The following ROBO2 variants were observed in gnomAD, a reference collection of about 807,000 sequenced individuals.
ROBO2 encodes the protein roundabout homolog 2.
Under a neutral mutation model 160.8 loss-of-function variants are expected in ROBO2, and 53 were observed. The observed-to-expected ratio is 0.33, with a 90% confidence interval of 0.26 to 0.41. The LOEUF is 0.41. Among genes scored for constraint, ROBO2 ranks in the 10% least tolerant of loss-of-function variants. ROBO2 has a pLI of 1.00. For synonymous variants in ROBO2, 664 were observed against 611.7 expected (o/e 1.09, Z -1.26); for missense variants, 1,577 against 1,722.4 (o/e 0.92, Z 1.49).
intron 2 of ROBO2, among the ~76,000 whole-genome samples, chr3:76,633,848 G>T (rs2090165961): frequency 6.6e-6 from 1 of 152,068 alleles, no homozygotes. Context: ...ATTTGCACTG[G>T]GTGCCCACAG....
At chr3:77,538,698 C>A (rs1158012716) in intron 6 of ROBO2, among the ~76,000 whole-genome samples, 2 of 151,930 alleles carry the variant, frequency 1.3e-5, no homozygotes, top group Non-Finnish European at 2.9e-5. Flanking sequence ...CTTTTGAAAT[C>A]AAATGAAGCA....
chr3:77,492,738 C>A (rs1282420314), intron 4 of ROBO2, among the ~76,000 whole-genome samples: 1 of 152,118 alleles, frequency 6.6e-6, no homozygotes, highest in Non-Finnish European at 1.5e-5. Context: ...CTTATCAAAT[C>A]ATAGCTTAAG....
intron 1 of ROBO2, among the ~76,000 whole-genome samples, chr3:77,093,006 G>C (rs925613366): frequency 2.0e-5 from 3 of 152,024 alleles, no homozygotes; most frequent in African/African-American, 7.2e-5. Flanking sequence ...AAGCTTCACA[G>C]GCTATGTAAG....
intron 2 of ROBO2, among the ~76,000 whole-genome samples, chr3:76,298,271 A>G (rs1470281256): frequency 6.6e-6 from 1 of 152,156 alleles, no homozygotes; most frequent in African/African-American, 2.4e-5. Flanking sequence ...AGGGAGGAAG[A>G]AAGAGGAAAG....
chr3:76,202,011 G>A (rs1702558998), intron 2 of ROBO2, among the ~76,000 whole-genome samples: 1 of 152,048 alleles, frequency 6.6e-6, no homozygotes, highest in Non-Finnish European at 1.5e-5. Flanking sequence ...ATACTGCAGT[G>A]GATGAAAATG....
chr3:76,819,569 G>A (rs1158329951), intron 2 of ROBO2, among the ~76,000 whole-genome samples: 1 of 151,994 alleles, frequency 6.6e-6, no homozygotes, highest in Non-Finnish European at 1.5e-5. Flanking sequence ...TAGCATGGTG[G>A]TGATCTCTGG....
chr3:76,805,663 T>C (rs1387803364), intron 2 of ROBO2, among the ~76,000 whole-genome samples: 1 of 104,596 alleles, frequency 9.6e-6, no homozygotes, highest in Non-Finnish European at 1.9e-5. Flanking sequence ...CTTAATTCTA[T>C]TGGAATACGT....
chr3:77,111,025 G>A (rs2073511767), intron 2 of ROBO2, among the ~76,000 whole-genome samples: 1 of 151,866 alleles, frequency 6.6e-6, no homozygotes, highest in Non-Finnish European at 1.5e-5. Context: ...AAATAACGAA[G>A]GAGAAAATCC....
intron 2 of ROBO2, among the ~76,000 whole-genome samples, chr3:77,164,937 G>T (rs1324953737): frequency 8.5e-6 from 1 of 117,948 alleles, no homozygotes; most frequent in African/African-American, 2.9e-5. Context: ...GAGGGAGGTG[G>T]GGGCGGTCAG....
intron 2 of ROBO2, among the ~76,000 whole-genome samples, chr3:76,394,016 G>A (rs2077290455): frequency 6.6e-6 from 1 of 152,134 alleles, no homozygotes; most frequent in South Asian, 2.1e-4. Context: ...GAGCCTATGT[G>A]TGTCTCTGCA....
intron 2 of ROBO2, among the ~76,000 whole-genome samples, chr3:76,842,145 G>T (rs2068339060): frequency 6.6e-6 from 1 of 152,150 alleles, no homozygotes; most frequent in Non-Finnish European, 1.5e-5. Context: ...GGAAAACACT[G>T]CATAGACAAT....
chr3:77,042,206 A>G (rs186757467), intron 1 of ROBO2, among the ~76,000 whole-genome samples: 2 of 152,306 alleles, frequency 1.3e-5, no homozygotes, highest in Admixed American at 1.3e-4. Context: ...TACCAGTCTA[A>G]GCAGTAGATG....
intron 2 of ROBO2, among the ~76,000 whole-genome samples, chr3:76,778,269 C>T (rs544596171): frequency 6.6e-6 from 1 of 151,262 alleles, no homozygotes; most frequent in East Asian, 2.0e-4. Context: ...TTGCTGAGTA[C>T]TCCCTATTCT....
chr3:77,469,020 G>A (rs143356209), intron 2 of ROBO2, among the ~76,000 whole-genome samples: 2 of 152,170 alleles, frequency 1.3e-5, no homozygotes, highest in African/African-American at 4.8e-5. Flanking sequence ...CTGGTGGCTA[G>A]CCTGCCCATC....
At chr3:76,280,157 C>T (rs1261915688) in intron 2 of ROBO2, among the ~76,000 whole-genome samples, 1 of 151,846 alleles carries the variant, frequency 6.6e-6, no homozygotes, top group East Asian at 1.9e-4. Context: ...TCTGTTAAAG[C>T]GAATAGTCTT....
chr3:77,051,724 C>T (rs973685623), intron 1 of ROBO2, among the ~76,000 whole-genome samples: 2 of 152,188 alleles, frequency 1.3e-5, no homozygotes, highest in Non-Finnish European at 2.9e-5. Flanking sequence ...ACATGGATCT[C>T]TATAGGAGGT....
chr3:76,431,722 T>A lies in ROBO2; in HGVS notation c.109+494120T>A, dbSNP rs535686198. ...GACACCAAAATGACAAATAAAAAAA[T>A]AAAGAAGGAGGGTGTTATGTTATGC... On this transcript the variant is annotated intron_variant, in intron 2 of 26. Coordinates refer to the ROBO2 transcript ENST00000487694. Among the ~76,000 whole-genome samples the A allele has an allele frequency of 5.1e-3, 778 of 152,066 alleles. 6 individuals carry two copies. The highest frequency in any genetic ancestry group is 8.5e-3 in the Admixed American group (130 of 15,278).
At chr3:76,671,997 G>A (rs1020784386) in intron 2 of ROBO2, among the ~76,000 whole-genome samples, 1 of 151,960 alleles carries the variant, frequency 6.6e-6, no homozygotes, top group Non-Finnish European at 1.5e-5. Context: ...CCCTCAAGGA[G>A]TTCACAAAGA....
intron 2 of ROBO2, among the ~76,000 whole-genome samples, chr3:76,658,224 C>CT (rs201660919): frequency 1.3e-5 from 2 of 151,196 alleles, no homozygotes; most frequent in African/African-American, 4.8e-5. Flanking sequence ...ACTATTATCT[C>CT]TTTTTTTTGG....
Sources: allele counts gnomAD v4.1 joint callset (sites outside exome capture counted in the v4.1 genomes callset), GRCh38; gene constraint gnomAD v4.1.1; transcripts MANE v1.5; gene names NCBI Gene and HGNC (gene_info 2026-07-23, HGNC 2026-07-21).